Variants in WDR7 observed in about 807,000 individuals in gnomAD.
WDR7 encodes the protein WD repeat domain 7.
WDR7 carries 46 observed loss-of-function variants against 169.4 expected under a neutral mutation model. That is an observed-to-expected ratio of 0.27 (90% CI 0.21 to 0.35). The LOEUF (loss-of-function observed/expected upper bound fraction) is 0.35. Among genes scored for constraint, WDR7 ranks in the 10% least tolerant of loss-of-function variants. The pLI is 1.00. For missense variants in WDR7, 1,534 were observed against 1,859.3 expected, an observed-to-expected ratio of 0.83 and a Z score of 3.22; for synonymous variants, 612 against 666.8, an observed-to-expected ratio of 0.92 and a Z score of 1.27.
At chr18:56,784,509 T>C (rs1225226492) in intron 19 of WDR7, among the ~76,000 whole-genome samples, 2 of 152,212 alleles carry the variant, frequency 1.3e-5, no homozygotes, top group East Asian at 3.9e-4. Flanking sequence ...TAGCTCCCAC[T>C]TATAAGTGAG....
chr18:57,009,987 T>C (rs2145912916), intron 26 of WDR7: 1 of 985,402 alleles, frequency 1.0e-6, no homozygotes, highest in African/African-American at 1.7e-5. Flanking sequence ...GACATTTACT[T>C]AGGAATGTGA....
intron 26 of WDR7, among the ~76,000 whole-genome samples, chr18:57,007,586 G>A (rs987804600): frequency 1.3e-5 from 2 of 151,992 alleles, no homozygotes; most frequent in Non-Finnish European, 2.9e-5. Context: ...TCATTTAAAA[G>A]TTTAAATACT....
intron 20 of WDR7, among the ~76,000 whole-genome samples, chr18:56,871,559 ATAT>A (rs1355144455): frequency 6.6e-6 from 1 of 152,152 alleles, no homozygotes; most frequent in Non-Finnish European, 1.5e-5. Flanking sequence ...ATTCTCAAAC[ATAT>A]TATTAAATAT....
chr18:56,779,572 A>G, intron 18 of WDR7, 23 bp downstream of exon 18: 7 of 1,576,256 alleles, frequency 4.4e-6, no homozygotes, highest in Non-Finnish European at 6.1e-6. Context: ...TGATAAGGAT[A>G]GAAAACAAAA....
At chr18:56,767,917 C>T (rs1294121757) in intron 16 of WDR7, among the ~76,000 whole-genome samples, 1 of 152,046 alleles carries the variant, frequency 6.6e-6, no homozygotes, top group Non-Finnish European at 1.5e-5. Context: ...CAATATTTTC[C>T]AGGATATACT....
At chr18:56,691,953 T>C in intron 9 of WDR7, 136 bp downstream of exon 9, 1 of 586,892 alleles carries the variant, frequency 1.7e-6, no homozygotes, top group East Asian at 3.1e-5. Flanking sequence ...CATTTTGAGA[T>C]GGTCAGTTAT....
chr18:56,942,425 G>A (rs557982926), intron 25 of WDR7, among the ~76,000 whole-genome samples: 2 of 152,232 alleles, frequency 1.3e-5, no homozygotes, highest in East Asian at 3.9e-4. Context: ...TGGTGCTACT[G>A]GGCTGTCTGG....
At chr18:56,886,313 G>T (rs1391930911) in intron 21 of WDR7, among the ~76,000 whole-genome samples, 1 of 152,162 alleles carries the variant, frequency 6.6e-6, no homozygotes, top group South Asian at 2.1e-4. Flanking sequence ...AAGGGATTGA[G>T]GCCCTACCTT....
intron 16 of WDR7, 142 bp downstream of exon 16, chr18:56,759,095 G>A (rs1321110564): frequency 1.3e-5 from 7 of 542,836 alleles, no homozygotes; most frequent in African/African-American, 1.9e-5. Flanking sequence ...ATGTAAATAT[G>A]GATAATTAAG....
the WDR7 span, chr18:57,036,429 C>T: frequency 3.3e-5 from 5 of 152,484 alleles, no homozygotes; most frequent in African/African-American, 1.2e-4. Flanking sequence ...ACTCAACCCT[C>T]TTTGCTTCAG....
At chr18:56,930,637 T>C (rs2046871648) in intron 22 of WDR7, among the ~76,000 whole-genome samples, 1 of 152,196 alleles carries the variant, frequency 6.6e-6, no homozygotes, top group Non-Finnish European at 1.5e-5. Context: ...TCTTGTGAAA[T>C]TGAGGACAAA....
At chr18:56,991,616 C>T (rs1364090234) in intron 26 of WDR7, among the ~76,000 whole-genome samples, 1 of 152,148 alleles carries the variant, frequency 6.6e-6, no homozygotes, top group African/African-American at 2.4e-5. Flanking sequence ...AACACTGAGC[C>T]TGTGGGCAGT....
chr18:56,698,894 G>A (rs1032121438), intron 12 of WDR7, among the ~76,000 whole-genome samples: 2 of 152,046 alleles, frequency 1.3e-5, no homozygotes, highest in African/African-American at 2.4e-5. Flanking sequence ...GTGGGAGGAC[G>A]GAGAGGATTG....
At chr18:56,803,516 CAT>C (rs915363751) in intron 19 of WDR7, among the ~76,000 whole-genome samples, 231 of 152,078 alleles carry the variant, frequency 1.5e-3, no homozygotes, top group African/African-American at 5.3e-3. Flanking sequence ...TATTTATAAA[CAT>C]GTATCGTAAG....
rs1389838570 is a variant in WDR7 at position 56,787,200 on chromosome 18, G to A, written c.3190+5544G>A. ...ACACTTGCCCTTCATTTCAGTTGGT[G>A]ATGACTCTGAGGCAAATGCTGATGG... On this transcript the variant is annotated intron_variant, in intron 19 of 27. Coordinates refer to ENST00000254442, the MANE Select transcript of WDR7 (RefSeq NM_015285.3). Among the ~76,000 whole-genome samples, 3 of 152,086 alleles carry A rather than the reference G, an allele frequency of 2.0e-5. No homozygotes were observed. In the East Asian group the frequency reaches 5.8e-4, roughly 30 times the overall value.
chr18:56,879,582 T>G lies in WDR7; in HGVS notation c.3305-362T>G, dbSNP rs139499252. Among the ~76,000 whole-genome samples, 142 of 152,310 alleles carry G rather than the reference T, an allele frequency of 9.3e-4. 1 individual carries two copies. Among genetic ancestry groups the G allele is most frequent in the African/African-American group, 3.1e-3 (127 of 41,574 alleles). The stretch of plus-strand genomic sequence containing the variant: ...CTGTCTTTTCAAGCACAAAAGTTTT[T>G]AGTATTGATGAAATCCTATGTAAAA... On this transcript the variant is annotated intron_variant, in intron 20 of 27. Coordinates refer to ENST00000254442, the MANE Select transcript of WDR7 (RefSeq NM_015285.3).
chr18:56,761,482 T>C (rs763863315), intron 16 of WDR7, among the ~76,000 whole-genome samples: 23 of 152,190 alleles, frequency 1.5e-4, no homozygotes, highest in Non-Finnish European at 2.6e-4. Context: ...TTTTGTCCCT[T>C]TGAATTTCAA....
At chr18:56,973,882 C>T (rs139683048) in intron 26 of WDR7, among the ~76,000 whole-genome samples, 21 of 152,244 alleles carry the variant, frequency 1.4e-4, no homozygotes, top group African/African-American at 4.3e-4. Context: ...CCCCAGAAGT[C>T]GGTCACTTCA....
chr18:56,749,506 T>A (rs1334595695), intron 14 of WDR7, among the ~76,000 whole-genome samples: 4 of 152,052 alleles, frequency 2.6e-5, no homozygotes, highest in Non-Finnish European at 5.9e-5. Flanking sequence ...TATTAACTCT[T>A]CTGCTTTATA....
Sources: gnomAD v4.1 joint callset for allele counts (sites outside exome capture counted in the v4.1 genomes callset) on GRCh38, gnomAD v4.1.1 for gene constraint, MANE v1.5 for transcripts, NCBI Gene and HGNC (gene_info 2026-07-23, HGNC 2026-07-21) for gene names.